The following JMJD1C variants were observed in gnomAD, a reference collection of about 807,000 sequenced individuals.
JMJD1C encodes the protein jumonji domain containing 1C.
In JMJD1C, 31 loss-of-function variants were observed where a neutral mutation model predicts 245.3. The observed-to-expected ratio is 0.13, with a 90% CI of 0.09 to 0.17. JMJD1C has a LOEUF of 0.17. Ranked by LOEUF, JMJD1C falls within the 10% of genes least tolerant of loss-of-function variation. The probability of loss-of-function intolerance (pLI) is 1.00; values close to 1 mark genes in which losing one functional copy is unlikely to be tolerated. For missense variants in JMJD1C, 2,691 were observed against 3,000.2 expected (o/e 0.90, Z 2.41); for synonymous variants, 1,057 against 1,017.4 (o/e 1.04, Z -0.74).
chr10:63,321,254 C>T (rs1267744468), intron 2 of JMJD1C, among the ~76,000 whole-genome samples: 5 of 152,124 alleles, frequency 3.3e-5, no homozygotes, highest in African/African-American at 9.7e-5. Flanking sequence ...TTTCTCTGAC[C>T]TTTGTGAATT....
intron 24 of JMJD1C, among the ~76,000 whole-genome samples, chr10:63,169,183 G>A (rs576054592): frequency 6.6e-6 from 1 of 152,224 alleles, no homozygotes; most frequent in East Asian, 1.9e-4. Flanking sequence ...GGTGACATCA[G>A]TACAACAGTT....
intron 4 of JMJD1C, among the ~76,000 whole-genome samples, chr10:63,218,584 T>C (rs934631718): frequency 6.6e-6 from 1 of 152,154 alleles, no homozygotes; most frequent in East Asian, 1.9e-4. Flanking sequence ...ACAAACAGTT[T>C]ACACTGGTTT....
intron 1 of JMJD1C, among the ~76,000 whole-genome samples, chr10:63,404,344 G>C (rs1330684663): frequency 6.6e-6 from 1 of 152,108 alleles, no homozygotes; most frequent in African/African-American, 2.4e-5. Context: ...AGAGAGAAAA[G>C]ATATACGACA....
chr10:63,305,458 C>CA (rs1564760910), intron 2 of JMJD1C, among the ~76,000 whole-genome samples: 2 of 69,082 alleles, frequency 2.9e-5, no homozygotes, highest in Non-Finnish European at 5.3e-5. Context: ...GACGCTCTGA[C>CA]CCTCTCTCTC....
In JMJD1C at chr10:63,247,317, T is replaced by C. The variant is rs1041678292; in HGVS notation, c.447+17334A>G. On this transcript the variant is annotated intron_variant, in intron 3 of 25. Coordinates refer to ENST00000399262, the MANE Select transcript of JMJD1C (RefSeq NM_032776.3). ...CATTAGAGACTACTATCAACAACTA[T>C]ACAAGCTAACAAATTGAAAAACCCA... Among the ~76,000 whole-genome samples the C allele has an allele frequency of 7.9e-5, 12 of 151,940 alleles. 1 individual carries two copies. Among genetic ancestry groups the C allele is most frequent in the South Asian group, 4.2e-4 (2 of 4,814 alleles).
chr10:63,172,594 A>G (rs1842473344), intron 24 of JMJD1C, among the ~76,000 whole-genome samples: 1 of 152,098 alleles, frequency 6.6e-6, no homozygotes, highest in Non-Finnish European at 1.5e-5. Flanking sequence ...AGACAAGCAA[A>G]GTGAGTAAAT....
At chr10:63,293,279 T>C (rs748182679) in intron 2 of JMJD1C, among the ~76,000 whole-genome samples, 3 of 152,128 alleles carry the variant, frequency 2.0e-5, no homozygotes, top group Non-Finnish European at 4.4e-5. Flanking sequence ...TTTATATTCA[T>C]CCTTCTTGCC....
intron 1 of JMJD1C, among the ~76,000 whole-genome samples, chr10:63,475,095 T>C (rs1040989614): frequency 6.6e-6 from 1 of 152,152 alleles, no homozygotes; most frequent in African/African-American, 2.4e-5. Flanking sequence ...TTGCAGATGT[T>C]CATGATTCTA....
At chr10:63,469,762 G>A (rs1589807194), upstream of JMJD1C, among the ~76,000 whole-genome samples, 1 of 152,060 alleles carries the variant, frequency 6.6e-6, no homozygotes, top group African/African-American at 2.4e-5. Context: ...AATGGACTGC[G>A]TTTATGAAGT....
At chr10:63,389,311 CAAAAAAAA>C (rs1185397734) in intron 1 of JMJD1C, among the ~76,000 whole-genome samples, 1 of 64,642 alleles carries the variant, frequency 1.5e-5, no homozygotes, top group Non-Finnish European at 2.8e-5. Context: ...GACCCTGTCT[CAAAAAAAA>C]AAAAAAAAAG....
intron 2 of JMJD1C, among the ~76,000 whole-genome samples, chr10:63,306,433 T>C (rs1396514842): frequency 6.6e-6 from 1 of 152,268 alleles, no homozygotes; most frequent in Non-Finnish European, 1.5e-5. Context: ...TTGGATCCTA[T>C]GGTCTCATCA....
chr10:63,237,772 G>A (rs1213327554), intron 3 of JMJD1C, among the ~76,000 whole-genome samples: 1 of 152,042 alleles, frequency 6.6e-6, no homozygotes, highest in East Asian at 1.9e-4. Context: ...ATGCTCCAAT[G>A]AGCACTTCCT....
intron 2 of JMJD1C, among the ~76,000 whole-genome samples, chr10:63,294,002 T>C (rs959000459): frequency 6.6e-5 from 10 of 152,164 alleles, no homozygotes; most frequent in Non-Finnish European, 1.3e-4. Flanking sequence ...CCTTCTTGCA[T>C]TTAATCTAAC....
At chr10:63,507,012 A>G (rs909451671) in intron 1 of JMJD1C, among the ~76,000 whole-genome samples, 2 of 152,168 alleles carry the variant, frequency 1.3e-5, no homozygotes, top group African/African-American at 4.8e-5. Flanking sequence ...TGCAGTCATA[A>G]TCATACACTG....
At chr10:63,183,696 C>A in intron 21 of JMJD1C, 127 bp from the exon 22 acceptor site, 1 of 515,142 alleles carries the variant, frequency 1.9e-6, no homozygotes, top group Non-Finnish European at 3.2e-6. Flanking sequence ...TTCCTTATTA[C>A]AAAAACCTGT....
chr10:63,324,191 C>A (rs1564787598), intron 2 of JMJD1C, among the ~76,000 whole-genome samples: 1 of 151,826 alleles, frequency 6.6e-6, no homozygotes, highest in Non-Finnish European at 1.5e-5. Context: ...AATATCTTAC[C>A]AGGATCTGGG....
intron 1 of JMJD1C, among the ~76,000 whole-genome samples, chr10:63,417,333 T>G (rs1458871847): frequency 6.6e-6 from 1 of 152,176 alleles, no homozygotes; most frequent in Non-Finnish European, 1.5e-5. Flanking sequence ...AAGCTCAACT[T>G]AAAATGCTTT....
intron 4 of JMJD1C, chr10:63,217,740 C>T (rs1290212215): frequency 2.7e-5 from 4 of 147,346 alleles, no homozygotes; most frequent in Admixed American, 2.7e-4. Context: ...CTTCTAGTTG[C>T]CAAAACTTTA....
chr10:63,171,992 T>G (rs1271296476), intron 24 of JMJD1C, among the ~76,000 whole-genome samples: 2 of 152,226 alleles, frequency 1.3e-5, no homozygotes, highest in African/African-American at 2.4e-5. Context: ...ACAACATCCT[T>G]TCAACAGAGT....
Sources: gnomAD v4.1 joint callset for allele counts (sites outside exome capture counted in the v4.1 genomes callset) on GRCh38, gnomAD v4.1.1 for gene constraint, MANE v1.5 for transcripts, NCBI Gene and HGNC (gene_info 2026-07-23, HGNC 2026-07-21) for gene names.